TMEM116: variants seen among roughly 807,000 people sequenced by gnomAD.
TMEM116 encodes transmembrane protein 116.
Under a neutral mutation model 44.3 loss-of-function variants are expected in TMEM116, and 38 were observed. The observed-to-expected ratio is 0.86, with a 90% confidence interval of 0.66 to 1.12. The LOEUF (loss-of-function observed/expected upper bound fraction) is 1.12, where lower values mean the gene tolerates loss of function less well. Ranked by LOEUF, TMEM116 falls within the 50% of genes most tolerant of loss-of-function variation. The probability of loss-of-function intolerance (pLI) is 0.00; values close to 1 mark genes in which losing one functional copy is unlikely to be tolerated. For synonymous variants in TMEM116, 132 were observed against 144.8 expected (o/e 0.91, Z 0.64); for missense variants, 354 against 401.7 (o/e 0.88, Z 1.01).
chr12:111,970,821 C>T (rs2075291409), intron 4 of TMEM116, among the ~76,000 whole-genome samples: 1 of 151,924 alleles, frequency 6.6e-6, no homozygotes, highest in Non-Finnish European at 1.5e-5. Context: ...ATCTGCTGAC[C>T]TCGTGATCCG....
chr12:111,975,221 T>C (rs79423041), intron 4 of TMEM116, among the ~76,000 whole-genome samples: 4,554 of 152,348 alleles, frequency 0.03, 89 homozygotes, highest in Non-Finnish European at 0.044. Flanking sequence ...CAGGGTTCAC[T>C]GTAGCCTCAA....
At chr12:111,986,855 C>T (rs2076255384) in intron 4 of TMEM116, among the ~76,000 whole-genome samples, 1 of 151,978 alleles carries the variant, frequency 6.6e-6, no homozygotes, top group East Asian at 1.9e-4. Context: ...TCCACAAGCA[C>T]AAGAATGAAG....
rs2073016371 is a variant in TMEM116 at position 111,943,323 on chromosome 12, T to C, written c.257A>G (p.Tyr86Cys). The C allele has an allele frequency of 6.2e-7, 1 of 1,614,106 alleles. No individual in the cohort carries two copies. ...TTTCATCCTCAGCTCTGTGTACAAA[T>C]ACCAGATGTAATTGACGGTGTAGAG... ...SFLYTVNYIW[Y>C]LYTELRMKHT... The change falls in exon 5 of 11, where the codon TAT (tyrosine) becomes TGT (cysteine). Residue 86 changes from tyrosine to cysteine, a missense_variant. Coordinates refer to ENST00000552374, the MANE Select transcript of TMEM116 (RefSeq NM_001193531.2).
intron 4 of TMEM116, among the ~76,000 whole-genome samples, chr12:111,959,201 C>G (rs1047613569): frequency 2.0e-5 from 3 of 152,172 alleles, no homozygotes; most frequent in Admixed American, 2.0e-4. Flanking sequence ...ATTCAACATT[C>G]TTAAAGAAAA....
At chr12:111,990,805 C>A (rs2076518349) in intron 4 of TMEM116, among the ~76,000 whole-genome samples, 1 of 152,098 alleles carries the variant, frequency 6.6e-6, no homozygotes, top group Admixed American at 6.6e-5. Flanking sequence ...TTTTCAAAAT[C>A]CAGTGTTTAT....
intron 3 of TMEM116, among the ~76,000 whole-genome samples, chr12:111,995,883 T>TA (rs2076904202): frequency 6.6e-6 from 1 of 150,576 alleles, no homozygotes; most frequent in African/African-American, 2.4e-5. Context: ...AAATAAAAAA[T>TA]AAAAAAATTA....
intron 8 of TMEM116, 94 bp from the exon 9 acceptor site, chr12:111,934,124 G>C: frequency 1.4e-6 from 2 of 1,384,858 alleles, no homozygotes; most frequent in East Asian, 2.5e-5. Context: ...TATTCTCTTA[G>C]AATCTCACAA....
At chr12:111,981,914 C>A (rs923531043) in intron 4 of TMEM116, among the ~76,000 whole-genome samples, 21 of 152,102 alleles carry the variant, frequency 1.4e-4, no homozygotes, top group Non-Finnish European at 2.4e-4. Context: ...ATTATCCTAA[C>A]TGAAATAAGC....
chr12:111,936,947 C>T (rs1367719515), intron 7 of TMEM116, 117 bp from the exon 8 acceptor site: 1 of 1,156,696 alleles, frequency 8.6e-7, no homozygotes, highest in South Asian at 1.6e-5. Flanking sequence ...GCTCATAAAA[C>T]CTTGTCTCTC....
chr12:111,951,456 T>C (rs564565095), intron 4 of TMEM116, among the ~76,000 whole-genome samples: 1 of 152,288 alleles, frequency 6.6e-6, no homozygotes, highest in African/African-American at 2.4e-5. Flanking sequence ...GTAAATGTGG[T>C]ACATATATAT....
chr12:111,952,971 C>A (rs2073842183), intron 4 of TMEM116, among the ~76,000 whole-genome samples: 1 of 152,130 alleles, frequency 6.6e-6, no homozygotes, highest in African/African-American at 2.4e-5. Context: ...TGCCTTTAAT[C>A]CTAGGTTCAT....
chr12:111,985,207 C>T (rs1222742180), intron 4 of TMEM116, among the ~76,000 whole-genome samples: 3 of 151,560 alleles, frequency 2.0e-5, no homozygotes, highest in African/African-American at 7.3e-5. Flanking sequence ...ATAATGAAAT[C>T]GAAAAGGAAG....
At position 111,959,255 on chromosome 12, in the gene TMEM116, A is replaced by G. The variant is rs555051227; in HGVS notation, c.211-15886T>C. Among the ~76,000 whole-genome samples the G allele has an allele frequency of 5.9e-5, 9 of 152,354 alleles. No individual in the cohort carries two copies. In the South Asian group the frequency reaches 1.0e-3, roughly 18 times the overall value. Reference sequence around the variant, plus strand: ...TTCATATCCAGCCAAATTAAGCTTCATAAGTGAAGGATAAATAAAATCCTT... The same window carrying G: ...TTCATATCCAGCCAAATTAAGCTTCGTAAGTGAAGGATAAATAAAATCCTT... On this transcript the variant is annotated intron_variant, in intron 4 of 10. Coordinates refer to ENST00000552374, the MANE Select transcript of TMEM116 (RefSeq NM_001193531.2).
chr12:111,973,742 G>C (rs1235561153), intron 4 of TMEM116, among the ~76,000 whole-genome samples: 2 of 152,004 alleles, frequency 1.3e-5, no homozygotes, highest in Non-Finnish European at 2.9e-5. Context: ...CTTGAGTCCA[G>C]GAGTTTGAGA....
At chr12:111,993,027 T>G in intron 3 of TMEM116, 1 of 166,562 alleles carries the variant, frequency 6.0e-6, no homozygotes, top group East Asian at 1.8e-4. Context: ...ATGGGTGAAC[T>G]CCTTCAATGT....
intron 3 of TMEM116, among the ~76,000 whole-genome samples, chr12:111,994,554 G>C (rs992004630): frequency 1.3e-5 from 2 of 152,176 alleles, no homozygotes; most frequent in Non-Finnish European, 2.9e-5. Context: ...GGGGTCATTT[G>C]ATTATGAGGT....
At chr12:111,938,980 C>T (rs2072427293) in intron 5 of TMEM116, among the ~76,000 whole-genome samples, 3 of 152,098 alleles carry the variant, frequency 2.0e-5, no homozygotes, top group African/African-American at 7.2e-5. Context: ...AATTAATTTG[C>T]CCCAAACAGT....
intron 4 of TMEM116, among the ~76,000 whole-genome samples, chr12:111,975,657 C>G (rs1195628734): frequency 6.6e-6 from 1 of 152,132 alleles, no homozygotes; most frequent in East Asian, 1.9e-4. Flanking sequence ...CCACTCCTAT[C>G]CTTATAGCAA....
In TMEM116 at chr12:111,937,226, A is replaced by G. The variant is rs764588223; in HGVS notation, c.383T>C (p.Leu128Ser). The G allele has an allele frequency of 1.9e-6, 3 of 1,613,732 alleles. No individual in the cohort carries two copies. In the East Asian group the frequency reaches 6.7e-5, roughly 36 times the overall value. ...FVFSSLIPLL[L>S]MTPVFCLGNT... ...TCCCAGACAGAATACAGGTGTCATC[A>G]ATAGCAGAGGTATCAGGCTGGGAGG... Residue 128 changes from leucine to serine, a missense_variant, in exon 7 of 11, where the codon TTG (leucine) becomes TCG (serine). By Grantham distance (145) the Leu-to-Ser change is moderately radical. Coordinates refer to ENST00000552374, the MANE Select transcript of TMEM116 (RefSeq NM_001193531.2).
Sources: allele counts gnomAD v4.1 joint callset (sites outside exome capture counted in the v4.1 genomes callset), GRCh38; gene constraint gnomAD v4.1.1; transcripts MANE v1.5; gene names NCBI Gene and HGNC (gene_info 2026-07-23, HGNC 2026-07-21).